The following LHFPL3 variants were observed in gnomAD, a reference collection of about 807,000 sequenced individuals.
The protein encoded by LHFPL3 is LHFPL tetraspan subfamily member 3.
LHFPL3 carries 5 observed loss-of-function variants against 19.3 expected under a neutral mutation model. That is an observed-to-expected ratio of 0.26 (90% CI 0.14 to 0.54). LHFPL3 has a LOEUF of 0.54. Among genes scored for constraint, LHFPL3 ranks in the 20% least tolerant of loss-of-function variants. The probability of loss-of-function intolerance (pLI) is 0.94; values close to 1 mark genes in which losing one functional copy is unlikely to be tolerated. For synonymous variants in LHFPL3, 133 were observed against 126.2 expected (o/e 1.05, Z -0.36); for missense variants, 249 against 307.4 (o/e 0.81, Z 1.42).
intron 2 of LHFPL3, among the ~76,000 whole-genome samples, chr7:104,871,062 A>G (rs1246494786): frequency 6.6e-6 from 1 of 152,162 alleles, no homozygotes; most frequent in Non-Finnish European, 1.5e-5. Context: ...AAGCTATTCA[A>G]ATACAGTCAG....
intron 1 of LHFPL3, among the ~76,000 whole-genome samples, chr7:104,450,624 A>G (rs1792416058): frequency 6.6e-6 from 1 of 152,120 alleles, no homozygotes; most frequent in Admixed American, 6.5e-5. Context: ...CCTAATGTAG[A>G]TGACGGGTTG....
At chr7:104,851,711 C>T (rs1005049964) in intron 2 of LHFPL3, among the ~76,000 whole-genome samples, 2 of 152,264 alleles carry the variant, frequency 1.3e-5, no homozygotes, top group East Asian at 3.9e-4. Context: ...GTACTGATTT[C>T]TTTGGATGTA....
chr7:104,391,281 C>A (rs1482202071), intron 1 of LHFPL3, among the ~76,000 whole-genome samples: 3 of 152,116 alleles, frequency 2.0e-5, no homozygotes, highest in East Asian at 3.9e-4. Context: ...CTGAATGGTA[C>A]TGCCTAGGTT....
chr7:104,861,614 C>T (rs1243200990), intron 2 of LHFPL3, among the ~76,000 whole-genome samples: 2 of 151,988 alleles, frequency 1.3e-5, no homozygotes, highest in African/African-American at 4.8e-5. Flanking sequence ...AGAGGAGGAG[C>T]CTCCTGGCAG....
chr7:104,864,642 C>A (rs1791685945), intron 2 of LHFPL3, among the ~76,000 whole-genome samples: 1 of 152,226 alleles, frequency 6.6e-6, no homozygotes, highest in Non-Finnish European at 1.5e-5. Context: ...GGCCTGCCTG[C>A]CTCTGTAGAC....
At chr7:104,400,741 A>C (rs1791298441) in intron 1 of LHFPL3, among the ~76,000 whole-genome samples, 1 of 152,202 alleles carries the variant, frequency 6.6e-6, no homozygotes, top group Non-Finnish European at 1.5e-5. Context: ...TTTTTGCAAA[A>C]GCCACAAGCA....
intron 1 of LHFPL3, among the ~76,000 whole-genome samples, chr7:104,379,861 G>A (rs1790794000): frequency 6.6e-6 from 1 of 152,174 alleles, no homozygotes; most frequent in African/African-American, 2.4e-5. Context: ...GCCAAGTGTT[G>A]CACAAACTTG....
In LHFPL3 at chr7:104,645,753, C is replaced by T. The variant is rs370110822; in HGVS notation, c.446-90922C>T. Among the ~76,000 whole-genome samples, 3 of 148,980 alleles carry T rather than the reference C, an allele frequency of 2.0e-5. No homozygotes were observed. In the East Asian group the frequency reaches 5.9e-4, roughly 29 times the overall value. On this transcript the variant is annotated intron_variant, in intron 1 of 2. Coordinates refer to ENST00000424859, the MANE Select transcript of LHFPL3 (RefSeq NM_199000.3). ...TTGGCTCACTGCAAGCTCCGCCTCC[C>T]GGGTTCACGCCATTCTCCTGCCTCA...
At chr7:104,778,524 ACT>A (rs982993524) in intron 2 of LHFPL3, among the ~76,000 whole-genome samples, 7 of 151,930 alleles carry the variant, frequency 4.6e-5, no homozygotes, top group Non-Finnish European at 8.8e-5. Context: ...AAAACCCTTC[ACT>A]CTGTGTTTCT....
chr7:104,684,134 TA>T (rs753373532), intron 1 of LHFPL3, among the ~76,000 whole-genome samples: 81 of 152,246 alleles, frequency 5.3e-4, no homozygotes, highest in Non-Finnish European at 1.0e-3. Flanking sequence ...CTCTTATTGT[TA>T]GATTAGTTCA....
chr7:104,345,743 A>T (rs967353013), intron 1 of LHFPL3, among the ~76,000 whole-genome samples: 2 of 152,098 alleles, frequency 1.3e-5, no homozygotes, highest in Non-Finnish European at 2.9e-5. Context: ...ATGTGATGTA[A>T]ACATAATAAG....
At chr7:104,664,755 G>A (rs1792298995) in intron 1 of LHFPL3, among the ~76,000 whole-genome samples, 1 of 152,194 alleles carries the variant, frequency 6.6e-6, no homozygotes, top group Non-Finnish European at 1.5e-5. Flanking sequence ...TGTCTGACAT[G>A]AGAAGAAAGG....
chr7:104,693,137 T>A (rs10256346), intron 1 of LHFPL3, among the ~76,000 whole-genome samples: 4 of 152,080 alleles, frequency 2.6e-5, no homozygotes, highest in Admixed American at 1.3e-4. Flanking sequence ...GCATGGGGAC[T>A]GTAGCCCCTT....
chr7:104,699,038 TAAC>T (rs530179617), intron 1 of LHFPL3, among the ~76,000 whole-genome samples: 12 of 152,138 alleles, frequency 7.9e-5, no homozygotes, highest in Non-Finnish European at 1.5e-4. Flanking sequence ...AATGGAAAAA[TAAC>T]AAGTGTTGGC....
chr7:104,700,256 A>G (rs1793077634), intron 1 of LHFPL3, among the ~76,000 whole-genome samples: 1 of 152,182 alleles, frequency 6.6e-6, no homozygotes, highest in Non-Finnish European at 1.5e-5. Context: ...ACCAGCAAGC[A>G]GAGTACTGGT....
rs145109791 is a variant in LHFPL3 at position 104,647,808 on chromosome 7, T to A, written c.446-88867T>A. Among the ~76,000 whole-genome samples the A allele has an allele frequency of 1.3e-3, 193 of 152,280 alleles. 1 individual carries two copies. Among genetic ancestry groups the A allele is most frequent in the African/African-American group, 4.3e-3 (180 of 41,552 alleles). ...GAAAGAGGAAGGGGCAGCTTCTGTA[T>A]CAGGAAAGCAAAAGTTTCCCAGGAA... is the stretch of plus-strand genomic sequence containing the variant. On this transcript the variant is annotated intron_variant, in intron 1 of 2. Transcript: ENST00000424859.
intron 1 of LHFPL3, among the ~76,000 whole-genome samples, chr7:104,595,942 T>C (rs1222719908): frequency 6.6e-6 from 1 of 152,226 alleles, no homozygotes; most frequent in Admixed American, 6.5e-5. Flanking sequence ...GGCAGGAGTG[T>C]CCTGCTTTTC....
intron 1 of LHFPL3, among the ~76,000 whole-genome samples, chr7:104,441,583 TTTA>T (rs1792224760): frequency 6.6e-6 from 1 of 152,202 alleles, no homozygotes; most frequent in Non-Finnish European, 1.5e-5. Flanking sequence ...TTTTTATTTA[TTTA>T]TTTTTTTTGA....
At chr7:104,695,160 G>T (rs1386966121) in intron 1 of LHFPL3, among the ~76,000 whole-genome samples, 2 of 152,034 alleles carry the variant, frequency 1.3e-5, no homozygotes, top group Non-Finnish European at 2.9e-5. Context: ...TGTTGCCCAG[G>T]CTAGGGTGCA....
Sources: gnomAD v4.1 joint callset for allele counts (sites outside exome capture counted in the v4.1 genomes callset) on GRCh38, gnomAD v4.1.1 for gene constraint, MANE v1.5 for transcripts, NCBI Gene and HGNC (gene_info 2026-07-23, HGNC 2026-07-21) for gene names.